Variants in MECOM observed in about 807,000 individuals in gnomAD.
MECOM encodes histone-lysine N-methyltransferase MECOM.
MECOM carries 13 observed loss-of-function variants against 116.3 expected under a neutral mutation model. The observed-to-expected ratio is 0.11, with a 90% CI of 0.07 to 0.18. The LOEUF is 0.18. Among genes scored for constraint, MECOM ranks in the 10% least tolerant of loss-of-function variants. The probability of loss-of-function intolerance (pLI) is 1.00; values close to 1 mark genes in which losing one functional copy is unlikely to be tolerated. For synonymous variants in MECOM, 528 were observed against 535.2 expected, an observed-to-expected ratio of 0.99 and a Z score of 0.19; for missense variants, 1,299 against 1,509.0, an observed-to-expected ratio of 0.86 and a Z score of 2.31.
intron 1 of MECOM, among the ~76,000 whole-genome samples, chr3:169,477,203 G>A (rs1341867769): frequency 7.1e-6 from 1 of 140,222 alleles, no homozygotes; most frequent in African/African-American, 2.7e-5. Flanking sequence ...CAAAGGTCTA[G>A]GTAGATTCCT....
intron 1 of MECOM, chr3:169,566,047 A>G (rs1293098262): frequency 2.7e-5 from 11 of 409,156 alleles, no homozygotes; most frequent in Middle Eastern, 3.6e-4. Flanking sequence ...CCTTCTTCAC[A>G]TGGAGGCAGG....
At chr3:169,340,872 G>C (rs1288189152) in intron 2 of MECOM, among the ~76,000 whole-genome samples, 1 of 152,122 alleles carries the variant, frequency 6.6e-6, no homozygotes, top group African/African-American at 2.4e-5. Flanking sequence ...AGGTAAGTTG[G>C]ACAAGAATAT....
At chr3:169,258,155 G>A (rs1305284343) in intron 2 of MECOM, among the ~76,000 whole-genome samples, 2 of 152,150 alleles carry the variant, frequency 1.3e-5, no homozygotes, top group East Asian at 1.9e-4. Context: ...GGGAGACAGA[G>A]GTTGCACTGA....
chr3:169,259,049 C>A (rs1415347479), intron 2 of MECOM, among the ~76,000 whole-genome samples: 2 of 152,190 alleles, frequency 1.3e-5, no homozygotes, highest in African/African-American at 4.8e-5. Context: ...ATATGTAGTC[C>A]TTTAAGCTTA....
intron 2 of MECOM, among the ~76,000 whole-genome samples, chr3:169,183,241 G>T (rs1054352760): frequency 1.3e-5 from 2 of 152,150 alleles, no homozygotes; most frequent in African/African-American, 4.8e-5. Context: ...GATTAATCTG[G>T]ACTCCATGGA....
chr3:169,427,098 C>T (rs985928980), intron 1 of MECOM, among the ~76,000 whole-genome samples: 2 of 152,026 alleles, frequency 1.3e-5, no homozygotes, highest in South Asian at 4.1e-4. Context: ...TTTTTAAAGC[C>T]TCTTCGAGCT....
At chr3:169,112,728 G>C in intron 9 of MECOM, 59 bp downstream of exon 9, 1 of 1,306,514 alleles carries the variant, frequency 7.7e-7, no homozygotes, top group Non-Finnish European at 1.1e-6. Context: ...CATTGCACCT[G>C]CTTTTCAGGA....
At chr3:169,274,166 C>CTGTA (rs1759305003) in intron 2 of MECOM, among the ~76,000 whole-genome samples, 1 of 152,088 alleles carries the variant, frequency 6.6e-6, no homozygotes, top group African/African-American at 2.4e-5. Context: ...CCCTCCTCGA[C>CTGTA]CTCACAAAGT....
At chr3:169,589,529 G>A (rs912522178) in intron 1 of MECOM, among the ~76,000 whole-genome samples, 2 of 152,088 alleles carry the variant, frequency 1.3e-5, no homozygotes, top group Non-Finnish European at 2.9e-5. Flanking sequence ...TTCCTCATTT[G>A]TAAAATGATG....
intron 2 of MECOM, among the ~76,000 whole-genome samples, chr3:169,333,961 G>A (rs367660749): frequency 2.1e-5 from 3 of 142,284 alleles, no homozygotes; most frequent in Admixed American, 7.2e-5. Flanking sequence ...AAACCCAGAC[G>A]GTAGCAATTC....
chr3:169,631,306 C>G (rs768113410), intron 1 of MECOM, among the ~76,000 whole-genome samples: 1 of 152,158 alleles, frequency 6.6e-6, no homozygotes, highest in Non-Finnish European at 1.5e-5. Flanking sequence ...TCTAAAAGAA[C>G]AGTTCAAATG....
chr3:169,145,176 AC>A lies in MECOM; in HGVS notation c.376-1345del, dbSNP rs1739439872. 1.2e-5 allele frequency: 5 copies of A among 413,004 alleles called. No homozygotes were observed. The Admixed American group carries it at 2.4e-4, about 20-fold the overall frequency. 25.6% of individuals were successfully genotyped at this position (413,004 alleles called of 1,614,324 possible). On this transcript the variant is annotated intron_variant, in intron 2 of 16. Transcript: ENST00000651503. ...CACACACACACACACACACACACAC[AC>A]ACACACACACACAGAGAGAAATCAA...
chr3:169,351,067 C>T (rs1258357818), intron 2 of MECOM, among the ~76,000 whole-genome samples: 1 of 151,818 alleles, frequency 6.6e-6, no homozygotes, highest in Non-Finnish European at 1.5e-5. Flanking sequence ...GATTTACATT[C>T]CTGAACACCA....
chr3:169,221,689 C>T lies in MECOM; in HGVS notation c.376-77857G>A, dbSNP rs540470213. 6.8e-4 allele frequency among the ~76,000 whole-genome samples: 104 copies of T among 151,964 alleles called. 1 individual carries two copies. Among genetic ancestry groups the T allele is most frequent in the South Asian group, 1.5e-3 (7 of 4,804 alleles). ...GTCAAATCTCACAACTTTTGGCTGA[C>T]GTGTCCTTCAGGAAAAGGGCAGCAA... On this transcript the variant is annotated intron_variant, in intron 2 of 16. Coordinates refer to ENST00000651503, the MANE Select transcript of MECOM (RefSeq NM_004991.4).
At chr3:169,360,634 G>A (rs1728147064) in intron 2 of MECOM, among the ~76,000 whole-genome samples, 1 of 151,738 alleles carries the variant, frequency 6.6e-6, no homozygotes, top group African/African-American at 2.4e-5. Context: ...TATTCTCAGT[G>A]ACTCACAGCC....
At chr3:169,260,611 C>T (rs1044778145) in intron 2 of MECOM, among the ~76,000 whole-genome samples, 1 of 152,134 alleles carries the variant, frequency 6.6e-6, no homozygotes, top group African/African-American at 2.4e-5. Context: ...TTATCAGTCT[C>T]CGTTCACTGC....
chr3:169,518,052 G>A (rs999916114), intron 1 of MECOM, among the ~76,000 whole-genome samples: 2 of 152,204 alleles, frequency 1.3e-5, no homozygotes, highest in Non-Finnish European at 2.9e-5. Flanking sequence ...AAGGTCAGGA[G>A]ATCGAGACCA....
intron 2 of MECOM, among the ~76,000 whole-genome samples, chr3:169,320,876 C>T (rs973139420): frequency 1.3e-5 from 2 of 152,034 alleles, no homozygotes; most frequent in African/African-American, 2.4e-5. Context: ...AAAAAGCTGC[C>T]CTTTTGTGAG....
At chr3:169,212,461 A>C (rs1267911556) in intron 2 of MECOM, among the ~76,000 whole-genome samples, 1 of 151,278 alleles carries the variant, frequency 6.6e-6, no homozygotes, top group Non-Finnish European at 1.5e-5. Flanking sequence ...GTAAAAAAAA[A>C]AAAAGCTAAA....
Sources: allele counts gnomAD v4.1 joint callset (sites outside exome capture counted in the v4.1 genomes callset), GRCh38; gene constraint gnomAD v4.1.1; transcripts MANE v1.5; gene names NCBI Gene and HGNC (gene_info 2026-07-23, HGNC 2026-07-21).